The following DLG2 variants were observed in gnomAD, a reference collection of about 807,000 sequenced individuals.
The protein encoded by DLG2 is disks large homolog 2.
In DLG2, 45 loss-of-function variants were observed where a neutral mutation model predicts 132.5. That is an observed-to-expected ratio of 0.34 (90% CI 0.27 to 0.44). The LOEUF (loss-of-function observed/expected upper bound fraction) is 0.44, where lower values mean the gene tolerates loss of function less well. Ranked by LOEUF, DLG2 falls within the 20% of genes least tolerant of loss-of-function variation. The pLI is 1.00. For missense variants in DLG2, 1,045 were observed against 1,196.9 expected (o/e 0.87, Z 1.87); for synonymous variants, 424 against 419.6 (o/e 1.01, Z -0.13).
At chr11:85,060,888 TG>T (rs568811626) in intron 6 of DLG2, among the ~76,000 whole-genome samples, 92 of 151,652 alleles carry the variant, frequency 6.1e-4, no homozygotes, top group African/African-American at 2.1e-3. Flanking sequence ...TTGTTTGTTT[TG>T]TTTTTGGTTT....
At chr11:84,283,730 T>C (rs1433432511) in intron 7 of DLG2, among the ~76,000 whole-genome samples, 1 of 152,124 alleles carries the variant, frequency 6.6e-6, no homozygotes, top group African/African-American at 2.4e-5. Context: ...TCCACTAAAC[T>C]GTAAGCTCAG....
intron 3 of DLG2, among the ~76,000 whole-genome samples, chr11:85,537,663 A>G (rs1243945249): frequency 5.3e-5 from 8 of 151,618 alleles, no homozygotes; most frequent in African/African-American, 1.7e-4. Context: ...GAAGGAATGA[A>G]CAACTCCAGA....
chr11:84,413,068 T>C (rs1438535267), intron 7 of DLG2, among the ~76,000 whole-genome samples: 1 of 152,186 alleles, frequency 6.6e-6, no homozygotes, highest in Non-Finnish European at 1.5e-5. Context: ...ACACAATGCC[T>C]GACACTGAAT....
Position 83,795,447 on chromosome 11 carries a change from C to CTATATCTATATA in DLG2, c.1723-8656_1723-8655insTATATAGATATA, listed in dbSNP as rs1491009328. On this transcript the variant is annotated intron_variant, in intron 17 of 27. Coordinates refer to ENST00000376104, the MANE Select transcript of DLG2 (RefSeq NM_001142699.3). ...TATATCTATATCTATATCTATATAT[C>CTATATCTATATA]TATATCTATATCTATCTATTTGGGT... Among the ~76,000 whole-genome samples the CTATATCTATATA allele has an allele frequency of 5.8e-3, 823 of 141,312 alleles. 4 individuals carry two copies. The highest frequency in any genetic ancestry group is 0.014 in the Middle Eastern group (4 of 284). 92.7% of individuals were successfully genotyped at this position (141,312 alleles called of 152,430 possible).
intron 11 of DLG2, among the ~76,000 whole-genome samples, chr11:84,030,917 A>C (rs2095671667): frequency 6.6e-6 from 1 of 152,174 alleles, no homozygotes; most frequent in African/African-American, 2.4e-5. Flanking sequence ...GAATCTCAAT[A>C]GAGGGGTGGA....
intron 7 of DLG2, among the ~76,000 whole-genome samples, chr11:84,419,181 A>AGAT: frequency 6.6e-6 from 1 of 152,302 alleles, no homozygotes; most frequent in East Asian, 1.9e-4. Flanking sequence ...AGAGAGAGAG[A>AGAT]GATATTATAT....
intron 17 of DLG2, chr11:83,790,505 A>G (rs1444447870): frequency 4.0e-6 from 5 of 1,264,638 alleles, no homozygotes; most frequent in Non-Finnish European, 5.8e-6. Context: ...GCACTGAGAC[A>G]TAAACTCTTG....
chr11:83,821,306 T>C lies in DLG2; in HGVS notation c.1722+12308A>G, dbSNP rs550738127. Among the ~76,000 whole-genome samples the C allele has an allele frequency of 3.9e-5, 6 of 152,216 alleles. No homozygotes were observed. The South Asian group carries it at 8.3e-4, about 21-fold the overall frequency. ...AGGACGCTCATCGACTCTCCACTTA[T>C]GTCAGCTGTTGAGAGCGGTCATTGC... On this transcript the variant is annotated intron_variant, in intron 17 of 27. Coordinates refer to ENST00000376104, the MANE Select transcript of DLG2 (RefSeq NM_001142699.3).
intron 18 of DLG2, among the ~76,000 whole-genome samples, chr11:83,707,703 CACAA>C (rs748781999): frequency 9.2e-5 from 14 of 152,240 alleles, no homozygotes; most frequent in African/African-American, 1.4e-4. Context: ...ATAACAAAAA[CACAA>C]ACAAACAAGT....
At chr11:83,849,446 T>A (rs1313039772) in intron 16 of DLG2, among the ~76,000 whole-genome samples, 5 of 151,800 alleles carry the variant, frequency 3.3e-5, no homozygotes, top group African/African-American at 1.2e-4. Context: ...ACCGACTTGG[T>A]CCTCATAGAA....
At chr11:84,669,604 A>G (rs1168267631) in intron 6 of DLG2, among the ~76,000 whole-genome samples, 1 of 152,306 alleles carries the variant, frequency 6.6e-6, no homozygotes, top group Admixed American at 6.5e-5. Context: ...ATGCTTTCAA[A>G]TAACACAGTA....
intron 6 of DLG2, among the ~76,000 whole-genome samples, chr11:85,096,330 G>A (rs2069764169): frequency 6.6e-6 from 1 of 152,194 alleles, no homozygotes; most frequent in Admixed American, 6.5e-5. Context: ...TTTATGAGCT[G>A]TAACACTCAC....
intron 18 of DLG2, among the ~76,000 whole-genome samples, chr11:83,746,442 C>T (rs577499728): frequency 2.0e-5 from 3 of 152,200 alleles, no homozygotes; most frequent in Admixed American, 1.3e-4. Context: ...ATGGATGAAG[C>T]TGGAAACCAT....
chr11:85,533,435 AATAC>A (rs2075355372), intron 3 of DLG2, among the ~76,000 whole-genome samples: 1 of 147,726 alleles, frequency 6.8e-6, no homozygotes. Context: ...ATATATATGA[AATAC>A]ATATATATAC....
chr11:83,919,519 C>T (rs2077483180), intron 15 of DLG2, among the ~76,000 whole-genome samples: 1 of 151,998 alleles, frequency 6.6e-6, no homozygotes, highest in Admixed American at 6.6e-5. Flanking sequence ...ATTTCTAGAC[C>T]TTTTATTTTC....
At chr11:83,735,716 T>C (rs889325248) in intron 18 of DLG2, among the ~76,000 whole-genome samples, 2 of 152,218 alleles carry the variant, frequency 1.3e-5, no homozygotes, top group Non-Finnish European at 2.9e-5. Context: ...ACATTCTTTC[T>C]AACCAGCGGT....
chr11:84,228,447 C>A (rs1034929783), intron 8 of DLG2, among the ~76,000 whole-genome samples: 1 of 152,134 alleles, frequency 6.6e-6, no homozygotes, highest in Non-Finnish European at 1.5e-5. Context: ...ATTTTACTCC[C>A]AACTATGTAT....
At chr11:83,533,918 G>A (rs1293061089) in intron 20 of DLG2, among the ~76,000 whole-genome samples, 2 of 152,132 alleles carry the variant, frequency 1.3e-5, no homozygotes, top group African/African-American at 2.4e-5. Context: ...GACTGAAGGA[G>A]GGAAGGAGCA....
At position 84,938,474 on chromosome 11, in the gene DLG2, C is replaced by T. The variant is rs2049009556; in HGVS notation, c.357+173187G>A. The stretch of plus-strand genomic sequence containing the variant: ...CTTGATTATAGATCACTAGCTGCCA[C>T]TAAAAAAGTAAACTGTTTAGATTTT... On this transcript the variant is annotated intron_variant, in intron 6 of 27. Coordinates refer to ENST00000376104, the MANE Select transcript of DLG2 (RefSeq NM_001142699.3). Among the ~76,000 whole-genome samples, 3 of 152,218 alleles carry T rather than the reference C, an allele frequency of 2.0e-5. No homozygotes were observed. In the South Asian group the frequency reaches 6.2e-4, roughly 32 times the overall value.
Sources: allele counts gnomAD v4.1 joint callset (sites outside exome capture counted in the v4.1 genomes callset), GRCh38; gene constraint gnomAD v4.1.1; transcripts MANE v1.5; gene names NCBI Gene and HGNC (gene_info 2026-07-23, HGNC 2026-07-21).